The following DHX29 variants were observed in gnomAD, a reference collection of about 807,000 sequenced individuals.
DHX29 encodes ATP-dependent RNA helicase DHX29.
A neutral mutation model predicts 167.9 loss-of-function variants in DHX29; 79 were observed. The ratio of observed to expected loss-of-function variants is 0.47; its 90% CI spans 0.39 to 0.57. DHX29 has a LOEUF of 0.57. Among genes scored for constraint, DHX29 ranks in the 20% least tolerant of loss-of-function variants. The pLI, the probability that DHX29 is intolerant of heterozygous loss-of-function variation, is 0.00. For synonymous variants in DHX29, 530 were observed against 546.0 expected (o/e 0.97, Z 0.41); for missense variants, 1,347 against 1,593.4 (o/e 0.85, Z 2.63).
At chr5:55,277,340 G>A in intron 12 of DHX29, 58 bp from the exon 13 acceptor site, 1 of 1,186,868 alleles carries the variant, frequency 8.4e-7, no homozygotes, top group Non-Finnish European at 1.2e-6. Context: ...TCTAGTAAGA[G>A]GCTTGAACAA....
chr5:55,277,762 C>T (rs923124121), intron 12 of DHX29, among the ~76,000 whole-genome samples: 12 of 151,884 alleles, frequency 7.9e-5, no homozygotes, highest in Admixed American at 5.3e-4. Flanking sequence ...AAAAATTAGC[C>T]GGGTATGGTG....
intron 8 of DHX29, among the ~76,000 whole-genome samples, chr5:55,287,380 G>T (rs529386388): frequency 1.3e-5 from 2 of 152,256 alleles, no homozygotes; most frequent in Non-Finnish European, 1.5e-5. Context: ...GGCTGAGGTT[G>T]CAGTGAGCCA....
chr5:55,302,351 CT>C (rs1748646522), intron 1 of DHX29, among the ~76,000 whole-genome samples: 1 of 152,130 alleles, frequency 6.6e-6, no homozygotes, highest in Non-Finnish European at 1.5e-5. Flanking sequence ...ATTACCAAGA[CT>C]ACATGGAGAA....
chr5:55,300,009 G>C (rs1362462328), intron 1 of DHX29, among the ~76,000 whole-genome samples: 3 of 152,100 alleles, frequency 2.0e-5, no homozygotes, highest in African/African-American at 7.2e-5. Flanking sequence ...TTGTTTATGT[G>C]GGTTATGTCT....
At chr5:55,302,639 G>A (rs1179454273) in intron 1 of DHX29, among the ~76,000 whole-genome samples, 1 of 149,520 alleles carries the variant, frequency 6.7e-6, no homozygotes, top group Non-Finnish European at 1.5e-5. Context: ...TTACCCAGTT[G>A]AAAAGATTAA....
chr5:55,283,852 C>T (rs765542934), intron 10 of DHX29, 41 bp from the exon 11 acceptor site: 169 of 1,496,210 alleles, frequency 1.1e-4, no homozygotes, highest in Admixed American at 1.1e-4. Context: ...ACTAACTATT[C>T]AATATGGAAA....
chr5:55,257,116 T>C (rs193079790), intron 26 of DHX29, among the ~76,000 whole-genome samples: 1 of 152,316 alleles, frequency 6.6e-6, no homozygotes, highest in Non-Finnish European at 1.5e-5. Flanking sequence ...ACCAATTAAT[T>C]TGACAAACAG....
At chr5:55,258,293 T>G (rs567061139) in intron 26 of DHX29, among the ~76,000 whole-genome samples, 1 of 152,212 alleles carries the variant, frequency 6.6e-6, no homozygotes, top group East Asian at 1.9e-4. Flanking sequence ...AGGAAATACA[T>G]GAACATGTTA....
At chr5:55,287,952 A>G (rs1392914123) in intron 8 of DHX29, among the ~76,000 whole-genome samples, 2 of 151,526 alleles carry the variant, frequency 1.3e-5, no homozygotes, top group East Asian at 3.9e-4. Flanking sequence ...AAAAAAAAAA[A>G]AAGAAAGAAA....
At chr5:55,257,460 T>A (rs899708218) in intron 26 of DHX29, among the ~76,000 whole-genome samples, 1 of 152,204 alleles carries the variant, frequency 6.6e-6, no homozygotes, top group African/African-American at 2.4e-5. Flanking sequence ...GGAGTCTCAC[T>A]CTCGCCTAGG....
chr5:55,264,645 A>G (rs1459951699), intron 23 of DHX29, among the ~76,000 whole-genome samples: 1 of 152,166 alleles, frequency 6.6e-6, no homozygotes, highest in Non-Finnish European at 1.5e-5. Flanking sequence ...CTTCCCAAAG[A>G]GGGGACAATT....
chr5:55,269,322 A>C, intron 21 of DHX29, 91 bp downstream of exon 21: 1 of 1,300,158 alleles, frequency 7.7e-7, no homozygotes, highest in South Asian at 1.4e-5. Flanking sequence ...ATTTAGTTAA[A>C]AAAATTTTTA....
At chr5:55,277,739 C>G (rs1422423899) in intron 12 of DHX29, among the ~76,000 whole-genome samples, 1 of 151,812 alleles carries the variant, frequency 6.6e-6, no homozygotes, top group Non-Finnish European at 1.5e-5. Flanking sequence ...AACCCTGTCT[C>G]TACTAAAAAT....
chr5:55,283,173 T>C, intron 11 of DHX29, 30 bp downstream of exon 11: 1 of 1,548,456 alleles, frequency 6.5e-7, no homozygotes, highest in Non-Finnish European at 8.7e-7. Context: ...TCACCATCAT[T>C]CACTGAGGTG....
chr5:55,277,660 C>A (rs1407996025), intron 12 of DHX29, among the ~76,000 whole-genome samples: 1 of 152,046 alleles, frequency 6.6e-6, no homozygotes, highest in Admixed American at 6.6e-5. Context: ...AATCCTAGCA[C>A]TTTAGGAGGC....
intron 4 of DHX29, 49 bp from the exon 5 acceptor site, chr5:55,295,573 A>G (rs1426212455): frequency 6.4e-7 from 1 of 1,568,570 alleles, no homozygotes; most frequent in East Asian, 2.2e-5. Flanking sequence ...TATGATACAT[A>G]AAACACACAA....
rs533917545 is a variant in DHX29, at chr5:55,274,924, T to A, written c.2514A>T (p.Leu838=). ...KYSSRTQHAI[L]YMNPHKINLD... is the part of the protein sequence containing the mutation. Reference sequence around the variant, plus strand: ...GGTTGATTTTATGAGGATTCATGTATAGAATAGCATGCTGAGTGCGGCTGC... The same window carrying A: ...GGTTGATTTTATGAGGATTCATGTAAAGAATAGCATGCTGAGTGCGGCTGC... Residue 838 remains leucine, a synonymous_variant, in exon 15 of 27, where the codon CTA becomes CTT. Transcript: ENST00000251636. The A allele has an allele frequency of 6.2e-7, 1 of 1,613,776 alleles. No homozygotes were observed. The highest frequency in any genetic ancestry group is 1.3e-5 in the African/African-American group (1 of 74,918).
Position 55,262,930 on chromosome 5 carries a change from A to C in DHX29, c.3528T>G (p.Asp1176Glu). 1 of 1,606,498 alleles carries C rather than the reference A, an allele frequency of 6.2e-7. No homozygotes were observed. Residue 1176 changes from aspartate (D) to glutamate (E), a missense_variant and splice_region_variant, in exon 24 of 27, where the codon GAT (aspartate) becomes GAG (glutamate). Around this residue, in one of 3 missense-constraint regions of DHX29, gnomAD observed 882 missense variants for 1,082.4 expected, o/e 0.81. Transcript: ENST00000251636. Reference sequence around the variant, plus strand: ...CCAACTTTATTAACTCCTGCTTTACATCCTAGATTGGTTTATGTTAAAAAC... The same window carrying C: ...CCAACTTTATTAACTCCTGCTTTACCTCCTAGATTGGTTTATGTTAAAAAC... ...LNRTSLLTLE[D>E]VKQELIKLVK...
At chr5:55,288,731 G>T (rs1178675937) in intron 8 of DHX29, among the ~76,000 whole-genome samples, 2 of 152,126 alleles carry the variant, frequency 1.3e-5, no homozygotes, top group Non-Finnish European at 2.9e-5. Context: ...GTTAGGGAGG[G>T]CTTAGGGAAG....
Sources: gnomAD v4.1 joint callset for allele counts (sites outside exome capture counted in the v4.1 genomes callset) on GRCh38, gnomAD v4.1.1 for gene constraint, gnomAD v4.1.1 regional missense constraint, MANE v1.5 for transcripts, NCBI Gene and HGNC (gene_info 2026-07-23, HGNC 2026-07-21) for gene names.